NEK7: variants seen among roughly 807,000 people sequenced by gnomAD.
NEK7 encodes the protein NIMA related kinase 7.
NEK7 carries 18 observed loss-of-function variants against 44.6 expected under a neutral mutation model. The observed-to-expected ratio is 0.40, with a 90% CI of 0.28 to 0.60. The LOEUF is 0.60. Among genes scored for constraint, NEK7 ranks in the 20% least tolerant of loss-of-function variants. The pLI is 0.38. For synonymous variants in NEK7, 130 were observed against 121.1 expected (o/e 1.07, Z -0.48); for missense variants, 256 against 366.5 (o/e 0.70, Z 2.46).
chr1:198,200,098 T>G (rs1010732151), intron 1 of NEK7, among the ~76,000 whole-genome samples: 6 of 152,232 alleles, frequency 3.9e-5, no homozygotes, highest in Non-Finnish European at 7.3e-5. Flanking sequence ...ACTCTAGAGA[T>G]TTCAATGCAT....
At chr1:198,186,791 C>T (rs539671570) in intron 1 of NEK7, among the ~76,000 whole-genome samples, 1 of 152,252 alleles carries the variant, frequency 6.6e-6, no homozygotes, top group Admixed American at 6.5e-5. Flanking sequence ...ATGAGGCCAA[C>T]CTGCAGTATT....
intron 1 of NEK7, among the ~76,000 whole-genome samples, chr1:198,187,480 C>T (rs1452649568): frequency 2.0e-5 from 3 of 152,166 alleles, no homozygotes; most frequent in Non-Finnish European, 4.4e-5. Context: ...AATTCAGATA[C>T]TCCCGTGGCT....
rs35400123 is a variant in NEK7, at chr1:198,170,925, TAA to T, written c.-29+13657_-29+13658del. Among the ~76,000 whole-genome samples the T allele has an allele frequency of 1.1e-4, 16 of 151,562 alleles. No homozygotes were observed. The South Asian group carries it at 3.3e-3, about 32-fold the overall frequency. ...AAAGGGACCTCAAACGTAGATTTCTTAAAAAAAAATGTTTTTTATTTTCAAGA... is the reference window on the plus strand; with the variant it reads ...AAAGGGACCTCAAACGTAGATTTCTTAAAAAAATGTTTTTTATTTTCAAGA... On this transcript the variant is annotated intron_variant, in intron 1 of 9. Transcript: ENST00000367385.
chr1:198,275,426 TTTATTGCTA>T (rs1653985763), intron 5 of NEK7, among the ~76,000 whole-genome samples: 1 of 151,398 alleles, frequency 6.6e-6, no homozygotes, highest in Admixed American at 6.6e-5. Context: ...GGTTACATTA[TTTATTGCTA>T]TATTAAAAAC....
chr1:198,306,368 G>A (rs1005112298), intron 9 of NEK7, among the ~76,000 whole-genome samples: 1 of 152,076 alleles, frequency 6.6e-6, no homozygotes, highest in African/African-American at 2.4e-5. Context: ...GAATATCTAA[G>A]TACTATAACC....
At chr1:198,248,996 C>T (rs923569406) in intron 2 of NEK7, among the ~76,000 whole-genome samples, 22 of 150,592 alleles carry the variant, frequency 1.5e-4, no homozygotes, top group African/African-American at 3.2e-4. Flanking sequence ...CCCATTAACA[C>T]GTCATTTAGC....
At chr1:198,293,166 C>T (rs1353132678) in intron 8 of NEK7, 127 bp downstream of exon 8, 8 of 560,372 alleles carry the variant, frequency 1.4e-5, no homozygotes, top group Admixed American at 9.2e-5. Flanking sequence ...GAAGAATTTT[C>T]GTTGGGTTAA....
chr1:198,208,584 C>T (rs1375834314), intron 1 of NEK7: 2 of 151,986 alleles, frequency 1.3e-5, no homozygotes, highest in African/African-American at 4.8e-5. Flanking sequence ...CCCTATGTCG[C>T]CCAGGTTGGT....
intron 1 of NEK7, among the ~76,000 whole-genome samples, chr1:198,172,372 G>T (rs1664475725): frequency 6.6e-6 from 1 of 152,108 alleles, no homozygotes; most frequent in Admixed American, 6.6e-5. Flanking sequence ...GCCTTGTTGA[G>T]GACAAGGATG....
rs554347428 is a variant in NEK7, at chr1:198,236,104, T to G, written c.57+3467T>G. Among the ~76,000 whole-genome samples the G allele has an allele frequency of 2.0e-5, 3 of 152,174 alleles. No homozygotes were observed. The East Asian group carries it at 5.8e-4, about 29-fold the overall frequency. ...GTTCAGGGTAGTAATCAGGGTTCAT[T>G]GTAGGCCAGCCAGAAAGTATCCCTC... On this transcript the variant is annotated intron_variant, in intron 2 of 9. Coordinates refer to ENST00000367385, the MANE Select transcript of NEK7 (RefSeq NM_133494.3).
chr1:198,172,447 C>T (rs1168550757), intron 1 of NEK7, among the ~76,000 whole-genome samples: 1 of 152,156 alleles, frequency 6.6e-6, no homozygotes. Context: ...AATTCTTTTT[C>T]AGTTTTGACT....
At position 198,198,287 on chromosome 1, in the gene NEK7, C is replaced by G. The variant is rs1665305821; in HGVS notation, c.-28-34266C>G. On this transcript the variant is annotated intron_variant, in intron 1 of 9. Coordinates refer to ENST00000367385, the MANE Select transcript of NEK7 (RefSeq NM_133494.3). ...AGGGAACCCCCCATGTGACCACACA[C>G]TAGGTGAAAATGTAGGACATTACGA... 4.8e-5 allele frequency: 23 copies of G among 477,996 alleles called. No individual in the cohort carries two copies. In the South Asian group the frequency reaches 5.2e-4, roughly 11 times the overall value. 29.6% of individuals were successfully genotyped at this position (477,996 alleles called of 1,614,324 possible).
At chr1:198,224,867 G>A (rs542750730) in intron 1 of NEK7, among the ~76,000 whole-genome samples, 1 of 152,198 alleles carries the variant, frequency 6.6e-6, no homozygotes, top group South Asian at 2.1e-4. Context: ...GGTGATACAT[G>A]TAGAAATAAA....
intron 9 of NEK7, among the ~76,000 whole-genome samples, chr1:198,312,029 G>A (rs966570349): frequency 2.0e-5 from 3 of 152,296 alleles, no homozygotes; most frequent in African/African-American, 4.8e-5. Flanking sequence ...GTTCCTCCTT[G>A]TACCTCTGGT....
intron 1 of NEK7, among the ~76,000 whole-genome samples, chr1:198,162,016 G>C (rs112877604): frequency 1.3e-5 from 2 of 151,910 alleles, no homozygotes; most frequent in African/African-American, 4.8e-5. Context: ...ACTCTCCCCC[G>C]CCCCAGTAAA....
intron 5 of NEK7, among the ~76,000 whole-genome samples, chr1:198,264,706 A>G (rs565967425): frequency 1.6e-4 from 25 of 152,170 alleles, no homozygotes; most frequent in African/African-American, 5.8e-4. Context: ...CTAAGGGCAT[A>G]TTAATTCATA....
intron 1 of NEK7, among the ~76,000 whole-genome samples, chr1:198,200,380 C>T (rs1012813611): frequency 9.2e-5 from 14 of 151,740 alleles, no homozygotes; most frequent in Non-Finnish European, 1.8e-4. Flanking sequence ...GATATGTATA[C>T]GAAAACTTGT....
intron 1 of NEK7, among the ~76,000 whole-genome samples, chr1:198,197,085 G>A (rs928976452): frequency 1.3e-5 from 2 of 152,074 alleles, no homozygotes; most frequent in Non-Finnish European, 2.9e-5. Context: ...ATTATATGAG[G>A]TATATAAGGT....
intron 1 of NEK7, among the ~76,000 whole-genome samples, chr1:198,174,431 G>A (rs1036732189): frequency 4.6e-5 from 7 of 152,040 alleles, no homozygotes; most frequent in Admixed American, 1.3e-4. Context: ...GTGGGGAGGT[G>A]GGTAGGAGGG....
Sources: allele counts gnomAD v4.1 joint callset (sites outside exome capture counted in the v4.1 genomes callset), GRCh38; gene constraint gnomAD v4.1.1; transcripts MANE v1.5; gene names NCBI Gene and HGNC (gene_info 2026-07-23, HGNC 2026-07-21).